Variants in SGCZ observed in about 807,000 individuals in gnomAD.
SGCZ encodes the protein zeta-sarcoglycan.
SGCZ carries 40 observed loss-of-function variants against 41.3 expected under a neutral mutation model. The ratio of observed to expected loss-of-function variants is 0.97; its 90% CI spans 0.75 to 1.26. SGCZ has a LOEUF of 1.26. Ranked by LOEUF, SGCZ falls within the 50% of genes most tolerant of loss-of-function variation. The pLI, the probability that SGCZ is intolerant of heterozygous loss-of-function variation, is 0.00. For missense variants in SGCZ, 552 were observed against 369.8 expected, an observed-to-expected ratio of 1.49 and a Z score of -4.04; for synonymous variants, 206 against 137.5, an observed-to-expected ratio of 1.50 and a Z score of -3.49.
chr8:14,374,569 T>G (rs372366600), intron 2 of SGCZ, among the ~76,000 whole-genome samples: 2 of 130,018 alleles, frequency 1.5e-5, no homozygotes, highest in South Asian at 4.3e-4. Flanking sequence ...AAGAGTCATT[T>G]GGTTGAGAAG....
chr8:14,146,761 G>T (rs111432333), intron 5 of SGCZ, among the ~76,000 whole-genome samples: 3 of 132,414 alleles, frequency 2.3e-5, no homozygotes, highest in Admixed American at 1.5e-4. Flanking sequence ...AGTCCCAGCT[G>T]CTCTGGAGGC....
chr8:14,548,589 C>A (rs1024664960), intron 2 of SGCZ, among the ~76,000 whole-genome samples: 1 of 152,060 alleles, frequency 6.6e-6, no homozygotes, highest in Non-Finnish European at 1.5e-5. Context: ...ACAAAACATA[C>A]ACCCCTGATT....
rs1799326461 is a variant in SGCZ at position 14,745,861 on chromosome 8, C to T, written c.40-190935G>A. On this transcript the variant is annotated intron_variant, in intron 1 of 7. Transcript: ENST00000382080. ...TTTATATAACAAATTTAGTCTTTCACACTCTTGGAAGTTCTGAAAACTCCT... is the reference window on the plus strand; with the variant it reads ...TTTATATAACAAATTTAGTCTTTCATACTCTTGGAAGTTCTGAAAACTCCT... Among the ~76,000 whole-genome samples, 4 of 152,104 alleles carry T rather than the reference C, an allele frequency of 2.6e-5. No individual in the cohort carries two copies. In the South Asian group the frequency reaches 6.2e-4, roughly 24 times the overall value.
intron 4 of SGCZ, among the ~76,000 whole-genome samples, chr8:14,192,830 G>C (rs1361837542): frequency 6.6e-6 from 1 of 151,990 alleles, no homozygotes; most frequent in Non-Finnish European, 1.5e-5. Context: ...TTATTATGGA[G>C]ACCAGCCTGA....
At chr8:14,601,372 G>A (rs56654885) in intron 1 of SGCZ, among the ~76,000 whole-genome samples, 12,533 of 152,152 alleles carry the variant, frequency 0.082, 618 homozygotes, top group Middle Eastern at 0.19. Context: ...AGAGAGTACA[G>A]TTTTAGGTGA....
chr8:14,782,079 G>A (rs531669995), intron 1 of SGCZ, among the ~76,000 whole-genome samples: 3 of 152,208 alleles, frequency 2.0e-5, no homozygotes, highest in African/African-American at 4.8e-5. Flanking sequence ...TTTTGATACC[G>A]ATGTATTTAG....
In SGCZ at chr8:14,298,769, G is replaced by A. The variant is rs73531305; in HGVS notation, c.336+25334C>T. Reference sequence around the variant, plus strand: ...ACAAATGTTAATGTTCCCACAAATTGACCAATGGAGTCAATGGAATACTGA... The same window carrying A: ...ACAAATGTTAATGTTCCCACAAATTAACCAATGGAGTCAATGGAATACTGA... On this transcript the variant is annotated intron_variant, in intron 3 of 7. Coordinates refer to ENST00000382080, the MANE Select transcript of SGCZ (RefSeq NM_139167.4). 6.1e-3 allele frequency among the ~76,000 whole-genome samples: 934 copies of A among 152,122 alleles called. 8 individuals are homozygous for A. The highest frequency in any genetic ancestry group is 0.022 in the African/African-American group (894 of 41,550).
chr8:14,465,647 T>G (rs1458218889), intron 2 of SGCZ, among the ~76,000 whole-genome samples: 3 of 151,760 alleles, frequency 2.0e-5, no homozygotes, highest in East Asian at 3.8e-4. Context: ...CTCATTTTCT[T>G]TCATGTACAT....
At chr8:14,212,288 C>T (rs552268341) in intron 4 of SGCZ, among the ~76,000 whole-genome samples, 1 of 152,122 alleles carries the variant, frequency 6.6e-6, no homozygotes. Flanking sequence ...GAAAAACCTA[C>T]CAGGGGAGCA....
chr8:14,921,165 A>T (rs760952347), intron 1 of SGCZ, among the ~76,000 whole-genome samples: 2 of 152,116 alleles, frequency 1.3e-5, no homozygotes, highest in Non-Finnish European at 2.9e-5. Context: ...AATCTTCTCA[A>T]CTCAGCTTCC....
At chr8:14,484,260 T>C (rs1186159174) in intron 2 of SGCZ, among the ~76,000 whole-genome samples, 3 of 152,178 alleles carry the variant, frequency 2.0e-5, no homozygotes, top group African/African-American at 7.2e-5. Flanking sequence ...AGTTTGCTAT[T>C]AGTATGGCTC....
intron 1 of SGCZ, among the ~76,000 whole-genome samples, chr8:15,213,822 T>C (rs901840815): frequency 6.6e-6 from 1 of 151,932 alleles, no homozygotes; most frequent in South Asian, 2.1e-4. Context: ...TACTCCTTAA[T>C]AAAAGGAGGA....
chr8:14,131,642 T>G (rs2117058752), intron 5 of SGCZ, among the ~76,000 whole-genome samples: 1 of 152,334 alleles, frequency 6.6e-6, no homozygotes, highest in Non-Finnish European at 1.5e-5. Context: ...TCATGTTTGT[T>G]AAGCTTCTTG....
chr8:15,221,445 A>G (rs1228969845), intron 1 of SGCZ, among the ~76,000 whole-genome samples: 1 of 152,176 alleles, frequency 6.6e-6, no homozygotes, highest in Non-Finnish European at 1.5e-5. Context: ...AGGTGGCCAC[A>G]GCTGTGTACC....
At chr8:14,841,685 A>T (rs191597010) in intron 1 of SGCZ, among the ~76,000 whole-genome samples, 1 of 152,230 alleles carries the variant, frequency 6.6e-6, no homozygotes, top group Non-Finnish European at 1.5e-5. Flanking sequence ...GGACAAGCCC[A>T]TACTAAATGG....
chr8:14,154,374 T>C (rs1409869907), intron 5 of SGCZ, among the ~76,000 whole-genome samples: 2 of 103,560 alleles, frequency 1.9e-5, no homozygotes, highest in East Asian at 6.0e-4. Flanking sequence ...GTTTCAAAAA[T>C]AAACAAACAG....
chr8:14,299,535 T>A (rs1042479494), intron 3 of SGCZ, among the ~76,000 whole-genome samples: 1 of 151,888 alleles, frequency 6.6e-6, no homozygotes, highest in Non-Finnish European at 1.5e-5. Flanking sequence ...GATATGTAAA[T>A]GGCCAGTAAG....
intron 1 of SGCZ, among the ~76,000 whole-genome samples, chr8:14,902,802 C>T (rs1044468919): frequency 1.3e-5 from 2 of 152,084 alleles, no homozygotes; most frequent in Admixed American, 1.3e-4. Flanking sequence ...ATCAGGAATA[C>T]ATGCTCTATA....
chr8:15,001,382 G>A (rs1802414408), intron 1 of SGCZ, among the ~76,000 whole-genome samples: 1 of 152,152 alleles, frequency 6.6e-6, no homozygotes, highest in Admixed American at 6.5e-5. Flanking sequence ...AGTTTACTGG[G>A]ATATTTGTCA....
Sources: gnomAD v4.1 joint callset for allele counts (sites outside exome capture counted in the v4.1 genomes callset) on GRCh38, gnomAD v4.1.1 for gene constraint, MANE v1.5 for transcripts, NCBI Gene and HGNC (gene_info 2026-07-23, HGNC 2026-07-21) for gene names.